ASB4: variants seen among roughly 807,000 people sequenced by gnomAD.
The protein encoded by ASB4 is ankyrin repeat and SOCS box containing 4.
A neutral mutation model predicts 38.6 loss-of-function variants in ASB4; 35 were observed. The observed-to-expected ratio is 0.91, with a 90% CI of 0.69 to 1.20. The LOEUF is 1.20. Among genes scored for constraint, ASB4 ranks in the 50% most tolerant of loss-of-function variants. ASB4 has a pLI of 0.00. For missense variants in ASB4, 557 were observed against 527.2 expected, an observed-to-expected ratio of 1.06 and a Z score of -0.55; for synonymous variants, 195 against 201.3, an observed-to-expected ratio of 0.97 and a Z score of 0.26.
upstream of ASB4, among the ~76,000 whole-genome samples, chr7:95,485,399 C>T (rs537470011): frequency 7.7e-4 from 118 of 152,258 alleles, no homozygotes; most frequent in Middle Eastern, 3.4e-3. Flanking sequence ...CCCTTCCCAG[C>T]TTTTCATATT....
chr7:95,516,747 C>T (rs1790589189), intron 2 of ASB4, among the ~76,000 whole-genome samples: 1 of 152,210 alleles, frequency 6.6e-6, no homozygotes, highest in Admixed American at 6.5e-5. Context: ...TTTCCTATTC[C>T]TTCACTGGTC....
At position 95,527,953 on chromosome 7, in the gene ASB4, AC is replaced by A; in HGVS notation, c.634del (p.Leu212TrpfsTer59). The A allele has an allele frequency of 5.6e-6, 9 of 1,613,634 alleles. No homozygotes were observed. Among genetic ancestry groups the A allele is most frequent in the South Asian group, 1.1e-5 (1 of 91,026 alleles). On this transcript the variant is annotated frameshift_variant, in exon 3 of 5. Transcript: ENST00000325885. LOFTEE classifies it high-confidence loss of function. ...GGACAGCGTGAATGCCCACATGGAG[AC>A]CCCCCTGGCCATCGCCGCCTACTGG... ...IVDSVNAHMETPLAIAAYWAL... is the reference protein window; with the variant it reads ...IVDSVNAHMEXPLAIAAYWAL...
At chr7:95,501,940 A>G (rs2116601271) in intron 2 of ASB4, among the ~76,000 whole-genome samples, 1 of 152,338 alleles carries the variant, frequency 6.6e-6, no homozygotes, top group African/African-American at 2.4e-5. Context: ...CCGAATTCAC[A>G]AAGAAAATAG....
At chr7:95,533,464 A>C (rs988346529) in intron 3 of ASB4, among the ~76,000 whole-genome samples, 1 of 152,110 alleles carries the variant, frequency 6.6e-6, no homozygotes, top group African/African-American at 2.4e-5. Context: ...TATCCCCCAC[A>C]ATCTGTTCCT....
chr7:95,543,646 G>A (rs1488122745), downstream of ASB4: 2 of 152,210 alleles, frequency 1.3e-5, no homozygotes, highest in Non-Finnish European at 2.9e-5. Flanking sequence ...GAATTTAAAA[G>A]TGAGTATCCC....
At chr7:95,537,538 G>T in intron 4 of ASB4, 33 bp from the exon 5 acceptor site, 1 of 1,557,702 alleles carries the variant, frequency 6.4e-7, no homozygotes, top group Admixed American at 1.8e-5. Context: ...GTGGGGCCTT[G>T]CTAACTTTAA....
chr7:95,483,315 C>T (rs1211322674), upstream of ASB4, among the ~76,000 whole-genome samples: 1 of 152,188 alleles, frequency 6.6e-6, no homozygotes, highest in African/African-American at 2.4e-5. Context: ...ACAAAAGTCT[C>T]TTCTAGTTAA....
intron 2 of ASB4, among the ~76,000 whole-genome samples, chr7:95,510,787 A>T (rs1264198753): frequency 2.0e-5 from 3 of 152,172 alleles, no homozygotes; most frequent in Non-Finnish European, 4.4e-5. Flanking sequence ...TTCTGTTTTG[A>T]GTTTTCAGTC....
At chr7:95,524,541 T>C (rs1790710417) in intron 2 of ASB4, among the ~76,000 whole-genome samples, 3 of 152,182 alleles carry the variant, frequency 2.0e-5, no homozygotes, top group Admixed American at 2.0e-4. Context: ...ATGTAACGTA[T>C]GTTATGTGTT....
intron 3 of ASB4, among the ~76,000 whole-genome samples, chr7:95,535,954 AAG>A (rs1203044834): frequency 6.6e-6 from 1 of 152,188 alleles, no homozygotes; most frequent in African/African-American, 2.4e-5. Context: ...GTAGAGCTGG[AAG>A]AGTTTCCCAG....
intron 2 of ASB4, among the ~76,000 whole-genome samples, chr7:95,497,599 G>A (rs1790270055): frequency 3.3e-5 from 5 of 152,162 alleles, no homozygotes; most frequent in Admixed American, 2.6e-4. Flanking sequence ...AAAATTAACA[G>A]TACAATTTAA....
chr7:95,537,107 G>GA (rs1790899083), intron 4 of ASB4, among the ~76,000 whole-genome samples: 1 of 152,208 alleles, frequency 6.6e-6, no homozygotes, highest in African/African-American at 2.4e-5. Flanking sequence ...AACACATGGA[G>GA]AGGTATCAGG....
intron 2 of ASB4, among the ~76,000 whole-genome samples, chr7:95,524,158 C>G (rs548060026): frequency 6.6e-6 from 1 of 152,176 alleles, no homozygotes; most frequent in Non-Finnish European, 1.5e-5. Flanking sequence ...AATCCCTGCA[C>G]GTGAGCACCA....
At chr7:95,495,217 T>A (rs948906873) in intron 1 of ASB4, among the ~76,000 whole-genome samples, 1 of 152,180 alleles carries the variant, frequency 6.6e-6, no homozygotes, top group African/African-American at 2.4e-5. Flanking sequence ...GGCAGGCAAA[T>A]AAAATCTTGG....
chr7:95,547,313 A>G, the ASB4 span, among the ~76,000 whole-genome samples: 29 of 152,286 alleles, frequency 1.9e-4, no homozygotes, highest in African/African-American at 7.0e-4. Flanking sequence ...CCTATCTCCC[A>G]CAGGCAACCA....
chr7:95,496,690 C>CA (rs1219915382), intron 2 of ASB4, among the ~76,000 whole-genome samples: 5 of 151,006 alleles, frequency 3.3e-5, no homozygotes, highest in African/African-American at 9.7e-5. Context: ...CTACAAAAAG[C>CA]AAAAAAAATT....
intron 2 of ASB4, among the ~76,000 whole-genome samples, chr7:95,508,844 G>C (rs1790444107): frequency 6.6e-6 from 1 of 152,242 alleles, no homozygotes; most frequent in Non-Finnish European, 1.5e-5. Context: ...AGAGGGATCT[G>C]ATGGAGTCCA....
At chr7:95,509,709 G>A (rs1288866775) in intron 2 of ASB4, among the ~76,000 whole-genome samples, 1 of 152,108 alleles carries the variant, frequency 6.6e-6, no homozygotes, top group Non-Finnish European at 1.5e-5. Flanking sequence ...TGCATATGAA[G>A]GGGAAAACTG....
chr7:95,507,556 G>T (rs1390020226), intron 2 of ASB4, among the ~76,000 whole-genome samples: 1 of 152,068 alleles, frequency 6.6e-6, no homozygotes, highest in East Asian at 1.9e-4. Flanking sequence ...TGAATTCTTT[G>T]ATTAGTAACT....
Sources: allele counts gnomAD v4.1 joint callset (sites outside exome capture counted in the v4.1 genomes callset), GRCh38; gene constraint gnomAD v4.1.1; transcripts MANE v1.5; gene names NCBI Gene and HGNC (gene_info 2026-07-23, HGNC 2026-07-21).